CNTNAP2: variants seen among roughly 807,000 people sequenced by gnomAD.
CNTNAP2 encodes the protein contactin associated protein 2.
Under a neutral mutation model 155.2 loss-of-function variants are expected in CNTNAP2, and 98 were observed. The ratio of observed to expected loss-of-function variants is 0.63; its 90% CI spans 0.54 to 0.75. The LOEUF is 0.75. Ranked by LOEUF, CNTNAP2 falls within the 30% of genes least tolerant of loss-of-function variation. The pLI, the probability that CNTNAP2 is intolerant of heterozygous loss-of-function variation, is 0.00. For missense variants in CNTNAP2, 1,727 were observed against 1,688.1 expected (o/e 1.02, Z -0.40); for synonymous variants, 651 against 631.2 (o/e 1.03, Z -0.47).
intron 1 of CNTNAP2, among the ~76,000 whole-genome samples, chr7:146,198,641 GTGTGTAAGA>G (rs1182965246): frequency 1.3e-5 from 2 of 152,156 alleles, no homozygotes; most frequent in African/African-American, 4.8e-5. Flanking sequence ...GTTATACAAA[GTGTGTAAGA>G]TCTCAACTTG....
chr7:146,866,112 C>T (rs1795199596), intron 3 of CNTNAP2, among the ~76,000 whole-genome samples: 1 of 152,104 alleles, frequency 6.6e-6, no homozygotes, highest in South Asian at 2.1e-4. Flanking sequence ...TTTGCTGTAT[C>T]ATTCCAATGT....
At chr7:147,169,228 C>T (rs1414459607) in intron 8 of CNTNAP2, among the ~76,000 whole-genome samples, 1 of 152,102 alleles carries the variant, frequency 6.6e-6, no homozygotes, top group Non-Finnish European at 1.5e-5. Context: ...TATTGAATCA[C>T]AGAACTTTGC....
At chr7:146,571,575 G>T in intron 1 of CNTNAP2, among the ~76,000 whole-genome samples, 1 of 151,876 alleles carries the variant, frequency 6.6e-6, no homozygotes. Flanking sequence ...CTCTATACCA[G>T]CCTCTCCATC....
chr7:146,396,898 C>T (rs935775760), intron 1 of CNTNAP2, among the ~76,000 whole-genome samples: 4 of 151,948 alleles, frequency 2.6e-5, no homozygotes, highest in Non-Finnish European at 1.5e-5. Context: ...TCCTTTGATA[C>T]ATTCATAAAT....
chr7:147,883,038 C>T (rs1410428688), intron 13 of CNTNAP2, among the ~76,000 whole-genome samples: 1 of 152,118 alleles, frequency 6.6e-6, no homozygotes, highest in Non-Finnish European at 1.5e-5. Context: ...TGATTCTGAA[C>T]ACTGATATAA....
intron 13 of CNTNAP2, among the ~76,000 whole-genome samples, chr7:147,749,250 T>C (rs930080206): frequency 1.3e-5 from 2 of 152,232 alleles, no homozygotes; most frequent in East Asian, 3.8e-4. Context: ...GTTTAAAATA[T>C]TGAGAACATT....
chr7:147,300,658 C>T (rs915359036), intron 9 of CNTNAP2, among the ~76,000 whole-genome samples: 2 of 152,128 alleles, frequency 1.3e-5, no homozygotes, highest in Admixed American at 1.3e-4. Flanking sequence ...TTTATTATCT[C>T]GCAGTTTCTC....
intron 9 of CNTNAP2, among the ~76,000 whole-genome samples, chr7:147,333,377 ATAAG>A (rs760011466): frequency 5.9e-5 from 9 of 152,228 alleles, no homozygotes; most frequent in Middle Eastern, 3.2e-3. Context: ...TTTAGGCATA[ATAAG>A]TAAGCATTAA....
intron 1 of CNTNAP2, among the ~76,000 whole-genome samples, chr7:146,128,876 G>GAA (rs11402701): frequency 8.0e-5 from 12 of 150,274 alleles, no homozygotes; most frequent in African/African-American, 1.5e-4. Flanking sequence ...TGGTATTACA[G>GAA]AAAAAAAAAC....
intron 1 of CNTNAP2, among the ~76,000 whole-genome samples, chr7:146,717,499 G>A (rs1801211745): frequency 6.6e-6 from 1 of 152,056 alleles, no homozygotes; most frequent in African/African-American, 2.4e-5. Flanking sequence ...GGGCAACAGA[G>A]TGAGACTCTA....
At chr7:147,007,263 C>T (rs1239937552) in intron 3 of CNTNAP2, among the ~76,000 whole-genome samples, 1 of 152,088 alleles carries the variant, frequency 6.6e-6, no homozygotes, top group Non-Finnish European at 1.5e-5. Flanking sequence ...CTGGATAAGC[C>T]TAACCATAAG....
rs546975367 is a variant in CNTNAP2, at chr7:146,910,267, C to T, written c.402+70363C>T. On this transcript the variant is annotated intron_variant, in intron 3 of 23. Transcript: ENST00000361727. ...CAGATTCAATGCCATCCCCATCAAG[C>T]TACCAATGACTTTCTTCACAGAATT... 3.9e-3 allele frequency among the ~76,000 whole-genome samples: 583 copies of T among 149,250 alleles called. 15 individuals are homozygous for T. The highest frequency in any genetic ancestry group is 0.013 in the African/African-American group (526 of 39,522).
At chr7:148,032,088 T>G (rs965636157) in intron 15 of CNTNAP2, among the ~76,000 whole-genome samples, 2 of 152,086 alleles carry the variant, frequency 1.3e-5, no homozygotes, top group South Asian at 2.1e-4. Context: ...CTGAAAGAAT[T>G]AATGTGCCTC....
At chr7:147,014,025 A>T (rs991165457) in intron 3 of CNTNAP2, among the ~76,000 whole-genome samples, 4 of 152,160 alleles carry the variant, frequency 2.6e-5, no homozygotes, top group Non-Finnish European at 5.9e-5. Flanking sequence ...ATGAAATGGA[A>T]AAAGGGATGT....
chr7:146,515,489 G>A (rs557330047), intron 1 of CNTNAP2, among the ~76,000 whole-genome samples: 2 of 152,186 alleles, frequency 1.3e-5, no homozygotes, highest in South Asian at 4.1e-4. Flanking sequence ...TATTACTGGT[G>A]ATAGTCTTGG....
At chr7:147,956,722 C>T (rs2116837170) in intron 14 of CNTNAP2, among the ~76,000 whole-genome samples, 1 of 152,138 alleles carries the variant, frequency 6.6e-6, no homozygotes, top group East Asian at 1.9e-4. Context: ...ATATACAGAC[C>T]CAGACATAGA....
At chr7:146,991,286 G>A (rs1224920182) in intron 3 of CNTNAP2, among the ~76,000 whole-genome samples, 1 of 151,974 alleles carries the variant, frequency 6.6e-6, no homozygotes, top group Non-Finnish European at 1.5e-5. Flanking sequence ...AATATTTTGG[G>A]ATTGAAATCA....
intron 1 of CNTNAP2, among the ~76,000 whole-genome samples, chr7:146,701,038 A>G (rs1414770968): frequency 1.3e-5 from 1 of 76,040 alleles, no homozygotes; most frequent in Non-Finnish European, 2.6e-5. Context: ...ATATGGAGTC[A>G]AGGCTCTGAA....
At chr7:148,182,100 C>A (rs1228637853) in intron 18 of CNTNAP2, among the ~76,000 whole-genome samples, 1 of 152,056 alleles carries the variant, frequency 6.6e-6, no homozygotes, top group African/African-American at 2.4e-5. Context: ...GGGGACACAG[C>A]TGAATTTTTT....
Sources: gnomAD v4.1 joint callset for allele counts (sites outside exome capture counted in the v4.1 genomes callset) on GRCh38, gnomAD v4.1.1 for gene constraint, MANE v1.5 for transcripts, NCBI Gene and HGNC (gene_info 2026-07-23, HGNC 2026-07-21) for gene names.